The following SLX4IP variants were observed in gnomAD, a reference collection of about 807,000 sequenced individuals.
SLX4IP encodes protein SLX4IP.
Under a neutral mutation model 32.9 loss-of-function variants are expected in SLX4IP, and 34 were observed. The observed-to-expected ratio is 1.03, with a 90% CI of 0.79 to 1.38. The LOEUF is 1.38. Among genes scored for constraint, SLX4IP ranks in the 40% most tolerant of loss-of-function variants. SLX4IP has a pLI of 0.00. For synonymous variants in SLX4IP, 172 were observed against 171.7 expected, an observed-to-expected ratio of 1.00 and a Z score of -0.01; for missense variants, 444 against 479.0, an observed-to-expected ratio of 0.93 and a Z score of 0.68.
intron 2 of SLX4IP, among the ~76,000 whole-genome samples, chr20:10,550,638 C>T (rs571620161): frequency 1.3e-5 from 2 of 152,350 alleles, no homozygotes; most frequent in African/African-American, 4.8e-5. Context: ...CACCAGCCTC[C>T]TCAGCCTGTC....
At chr20:10,573,325 C>T (rs994709866) in intron 4 of SLX4IP, among the ~76,000 whole-genome samples, 2 of 152,206 alleles carry the variant, frequency 1.3e-5, no homozygotes, top group Admixed American at 1.3e-4. Flanking sequence ...AAAACACCAT[C>T]CATAGACTTC....
chr20:10,586,900 G>A (rs1273556821), intron 4 of SLX4IP, among the ~76,000 whole-genome samples: 1 of 151,954 alleles, frequency 6.6e-6, no homozygotes, highest in Non-Finnish European at 1.5e-5. Flanking sequence ...TTAAACCACT[G>A]GTTAAAAAAG....
chr20:10,486,489 C>T (rs1190844422), intron 2 of SLX4IP, among the ~76,000 whole-genome samples: 5 of 152,090 alleles, frequency 3.3e-5, no homozygotes, highest in African/African-American at 1.2e-4. Flanking sequence ...TTTCCTTAAA[C>T]CCTCACAACA....
At chr20:10,595,607 G>T (rs2066760734) in intron 4 of SLX4IP, among the ~76,000 whole-genome samples, 1 of 152,176 alleles carries the variant, frequency 6.6e-6, no homozygotes, top group Non-Finnish European at 1.5e-5. Flanking sequence ...ACTCTGTGAA[G>T]TTGATTTCAT....
At chr20:10,614,107 C>T (rs967358891) in intron 6 of SLX4IP, 5 of 1,528,124 alleles carry the variant, frequency 3.3e-6, no homozygotes, top group Non-Finnish European at 4.5e-6. Flanking sequence ...TGCAGGGACA[C>T]CTTGTGGTAG....
At chr20:10,448,900 A>G (rs909122286) in intron 1 of SLX4IP, among the ~76,000 whole-genome samples, 2 of 152,236 alleles carry the variant, frequency 1.3e-5, no homozygotes, top group African/African-American at 2.4e-5. Flanking sequence ...GGTTATATGC[A>G]TAAGTGACTC....
At chr20:10,510,750 G>A (rs538952701) in intron 2 of SLX4IP, among the ~76,000 whole-genome samples, 10 of 151,902 alleles carry the variant, frequency 6.6e-5, no homozygotes, top group South Asian at 4.2e-4. Context: ...GACTACAGGC[G>A]CCCACCACCA....
chr20:10,518,457 T>C (rs2065872017), intron 2 of SLX4IP, among the ~76,000 whole-genome samples: 1 of 43,734 alleles, frequency 2.3e-5, no homozygotes, highest in Non-Finnish European at 6.2e-5. Flanking sequence ...CTTCCTTCCT[T>C]CCTTCCTTTC....
intron 6 of SLX4IP, among the ~76,000 whole-genome samples, chr20:10,616,386 A>AAATTAAATAAAT (rs756656585): frequency 2.7e-5 from 3 of 111,100 alleles, no homozygotes; most frequent in Admixed American, 1.0e-4. Flanking sequence ...CCCAAAAAAA[A>AAATTAAATAAAT]AAATGAAATA....
At chr20:10,506,074 T>C (rs2065757266) in intron 2 of SLX4IP, among the ~76,000 whole-genome samples, 2 of 152,228 alleles carry the variant, frequency 1.3e-5, no homozygotes, top group South Asian at 4.1e-4. Flanking sequence ...TATTTTAACA[T>C]GATCAGCATG....
chr20:10,439,703 T>G (rs931906469), intron 1 of SLX4IP, among the ~76,000 whole-genome samples: 2 of 152,252 alleles, frequency 1.3e-5, no homozygotes, highest in Non-Finnish European at 2.9e-5. Flanking sequence ...TTTAAGTGGA[T>G]TGTTAGTTCT....
At chr20:10,470,706 A>C (rs1310262337) in intron 2 of SLX4IP, among the ~76,000 whole-genome samples, 2 of 152,212 alleles carry the variant, frequency 1.3e-5, no homozygotes, top group African/African-American at 4.8e-5. Flanking sequence ...TAAGGTATGT[A>C]CCAGGTCTAG....
intron 2 of SLX4IP, among the ~76,000 whole-genome samples, chr20:10,487,668 G>T (rs667605): frequency 0.39 from 59,405 of 151,986 alleles, 11,835 homozygotes; most frequent in Non-Finnish European, 0.43. Context: ...TGAGGGCCTT[G>T]AGGTTTCTTC....
At chr20:10,463,043 GAC>G (rs1488289441) in intron 2 of SLX4IP, among the ~76,000 whole-genome samples, 1 of 152,106 alleles carries the variant, frequency 6.6e-6, no homozygotes, top group Non-Finnish European at 1.5e-5. Context: ...AACATAGAGA[GAC>G]CCTGTCTCTA....
intron 2 of SLX4IP, among the ~76,000 whole-genome samples, chr20:10,545,584 T>C (rs1187172838): frequency 6.6e-6 from 1 of 152,180 alleles, no homozygotes; most frequent in Non-Finnish European, 1.5e-5. Flanking sequence ...CTGTCATAGC[T>C]TTATCTGGCA....
At chr20:10,491,311 A>G (rs590903) in intron 2 of SLX4IP, among the ~76,000 whole-genome samples, 59,457 of 151,912 alleles carry the variant, frequency 0.39, 11,850 homozygotes, top group Non-Finnish European at 0.43. Context: ...ATTTTCTCCT[A>G]TTTCTCCCTC....
chr20:10,455,831 G>A (rs187606228), intron 1 of SLX4IP, among the ~76,000 whole-genome samples: 6 of 151,968 alleles, frequency 3.9e-5, no homozygotes, highest in Non-Finnish European at 5.9e-5. Context: ...GGGTTGTCTC[G>A]AACTCCTGGC....
At chr20:10,590,558 G>T (rs1231722517) in intron 4 of SLX4IP, among the ~76,000 whole-genome samples, 1 of 151,816 alleles carries the variant, frequency 6.6e-6, no homozygotes, top group Non-Finnish European at 1.5e-5. Context: ...ATGGGGTTTC[G>T]CTGTGTTGCT....
chr20:10,553,867 A>G (rs946662765), intron 2 of SLX4IP, among the ~76,000 whole-genome samples: 1 of 152,240 alleles, frequency 6.6e-6, no homozygotes, highest in Admixed American at 6.5e-5. Flanking sequence ...CCATCTTTCA[A>G]CATGCTTCAC....
Sources: gnomAD v4.1 joint callset for allele counts (sites outside exome capture counted in the v4.1 genomes callset) on GRCh38, gnomAD v4.1.1 for gene constraint, MANE v1.5 for transcripts, NCBI Gene and HGNC (gene_info 2026-07-23, HGNC 2026-07-21) for gene names.